DLGAP1: variants seen among roughly 807,000 people sequenced by gnomAD.
The protein encoded by DLGAP1 is DLG associated protein 1.
A neutral mutation model predicts 90.8 loss-of-function variants in DLGAP1; 11 were observed. That is an observed-to-expected ratio of 0.12 (90% CI 0.08 to 0.20). The LOEUF (loss-of-function observed/expected upper bound fraction) is 0.20, where lower values mean the gene tolerates loss of function less well. Ranked by LOEUF, DLGAP1 falls within the 10% of genes least tolerant of loss-of-function variation. The pLI, the probability that DLGAP1 is intolerant of heterozygous loss-of-function variation, is 1.00. For missense variants in DLGAP1, 1,050 were observed against 1,333.8 expected (o/e 0.79, Z 3.31); for synonymous variants, 558 against 540.7 (o/e 1.03, Z -0.44).
At chr18:4,011,014 A>T (rs145204369) in intron 2 of DLGAP1, among the ~76,000 whole-genome samples, 1 of 151,866 alleles carries the variant, frequency 6.6e-6, no homozygotes, top group African/African-American at 2.4e-5. Flanking sequence ...CGTCTCTACT[A>T]AAAATACAAA....
intron 1 of DLGAP1, among the ~76,000 whole-genome samples, chr18:4,200,540 T>C (rs867171500): frequency 1.3e-5 from 2 of 151,712 alleles, no homozygotes; most frequent in South Asian, 4.1e-4. Context: ...CATATTTTGC[T>C]GTTCCTAATA....
chr18:4,296,169 A>G (rs550899860), intron 1 of DLGAP1, among the ~76,000 whole-genome samples: 2 of 152,322 alleles, frequency 1.3e-5, no homozygotes, highest in South Asian at 4.1e-4. Flanking sequence ...CTGCGTCTTA[A>G]TTTTGTTAGA....
intron 7 of DLGAP1, among the ~76,000 whole-genome samples, chr18:3,715,125 A>G (rs969352225): frequency 2.0e-5 from 3 of 152,200 alleles, no homozygotes; most frequent in Non-Finnish European, 4.4e-5. Flanking sequence ...CTAGGTTCTC[A>G]TTCCTGCCAC....
chr18:3,832,487 C>T (rs2148565804), intron 4 of DLGAP1, among the ~76,000 whole-genome samples: 2 of 152,270 alleles, frequency 1.3e-5, no homozygotes, highest in South Asian at 4.1e-4. Flanking sequence ...TAGCCACCTA[C>T]TCCAGTTAGT....
Position 4,383,531 on chromosome 18 carries a change from T to C in DLGAP1, c.-267+71475A>G, listed in dbSNP as rs1343983892. Among the ~76,000 whole-genome samples, 1 of 152,012 alleles carries C rather than the reference T, an allele frequency of 6.6e-6. No individual in the cohort carries two copies. Among genetic ancestry groups the C allele is most frequent in the African/African-American group, 2.4e-5 (1 of 41,394 alleles). On this transcript the variant is annotated intron_variant, in intron 1 of 12. Coordinates refer to ENST00000315677, the MANE Select transcript of DLGAP1 (RefSeq NM_004746.4). This position sits in a 1 kb window ranked among gnomAD's most constrained non-coding sequence, Gnocchi z 4.0. Reference sequence around the variant, plus strand: ...ATAAGAGACCTGGGTTTTAAACCTATCAGTTACTGAACAAGCTCTGTATGC... The same window carrying C: ...ATAAGAGACCTGGGTTTTAAACCTACCAGTTACTGAACAAGCTCTGTATGC...
intron 1 of DLGAP1, among the ~76,000 whole-genome samples, chr18:4,179,334 T>C (rs1273688031): frequency 1.3e-5 from 2 of 152,160 alleles, no homozygotes; most frequent in Non-Finnish European, 2.9e-5. Context: ...CTGTCAAAAG[T>C]AAAGGCCCTA....
rs553460463 is a variant in DLGAP1 at position 4,175,359 on chromosome 18, C to G, written c.-266-24072G>C. Among the ~76,000 whole-genome samples, 139 of 152,170 alleles carry G rather than the reference C, an allele frequency of 9.1e-4. 1 individual carries two copies. Among genetic ancestry groups the G allele is most frequent in the Non-Finnish European group, 1.8e-3 (119 of 67,986 alleles). On this transcript the variant is annotated intron_variant, in intron 1 of 12. Coordinates refer to ENST00000315677, the MANE Select transcript of DLGAP1 (RefSeq NM_004746.4). Reference sequence around the variant, plus strand: ...TAGATTGCAAAAATTTTCTCCCATTCTGTAGGTTGTCTGTTGACTCTGATG... The same window carrying G: ...TAGATTGCAAAAATTTTCTCCCATTGTGTAGGTTGTCTGTTGACTCTGATG...
chr18:4,267,998 G>A (rs767351393), intron 1 of DLGAP1, among the ~76,000 whole-genome samples: 8 of 152,106 alleles, frequency 5.3e-5, no homozygotes, highest in Admixed American at 1.3e-4. Flanking sequence ...CTGAAATTCC[G>A]GACAAGATCA....
At chr18:3,893,193 C>T (rs1048780164) in intron 3 of DLGAP1, among the ~76,000 whole-genome samples, 1 of 152,066 alleles carries the variant, frequency 6.6e-6, no homozygotes, top group African/African-American at 2.4e-5. Flanking sequence ...ATAATGGCCT[C>T]CAGATCCATC....
At chr18:3,521,027 A>C (rs1411919073) in intron 10 of DLGAP1, among the ~76,000 whole-genome samples, 5 of 152,126 alleles carry the variant, frequency 3.3e-5, no homozygotes, top group Non-Finnish European at 5.9e-5. Flanking sequence ...TAAATGTTGA[A>C]CACAAAATGT....
intron 3 of DLGAP1, among the ~76,000 whole-genome samples, chr18:3,881,034 A>G (rs1043273477): frequency 1.3e-5 from 2 of 151,808 alleles, no homozygotes; most frequent in East Asian, 3.8e-4. Flanking sequence ...AATTATTTGA[A>G]ACAATAACTC....
intron 2 of DLGAP1, among the ~76,000 whole-genome samples, chr18:4,077,119 A>C (rs1568382980): frequency 1.3e-5 from 2 of 152,170 alleles, no homozygotes; most frequent in African/African-American, 2.4e-5. Context: ...ATGGTTAAAC[A>C]ATCAGATCTT....
At chr18:3,960,507 G>T (rs777886421) in intron 3 of DLGAP1, among the ~76,000 whole-genome samples, 1 of 152,046 alleles carries the variant, frequency 6.6e-6, no homozygotes. Context: ...TTGAGGCTGC[G>T]GCTATGATTG....
intron 1 of DLGAP1, among the ~76,000 whole-genome samples, chr18:4,345,995 C>T (rs931890947): frequency 3.3e-5 from 5 of 152,038 alleles, no homozygotes; most frequent in East Asian, 1.9e-4. Context: ...GAAGGTGTCC[C>T]GGGGAAGATC....
chr18:4,407,901 TAAGAA>T (rs2082698104), intron 1 of DLGAP1, among the ~76,000 whole-genome samples: 1 of 148,606 alleles, frequency 6.7e-6, no homozygotes, highest in African/African-American at 2.6e-5. Flanking sequence ...TATAAATAAA[TAAGAA>T]AAGTATCTAA....
intron 1 of DLGAP1, among the ~76,000 whole-genome samples, chr18:4,305,323 T>A (rs1220085501): frequency 6.6e-6 from 1 of 151,430 alleles, no homozygotes; most frequent in African/African-American, 2.4e-5. Flanking sequence ...TCACCTGAGG[T>A]TGGGAGTTTA....
chr18:4,286,887 G>C (rs1001808598), intron 1 of DLGAP1, among the ~76,000 whole-genome samples: 4 of 152,128 alleles, frequency 2.6e-5, no homozygotes, highest in African/African-American at 9.7e-5. Context: ...CAGGGAAAGA[G>C]AGGACTTTTT....
intron 3 of DLGAP1, among the ~76,000 whole-genome samples, chr18:3,925,042 G>C (rs1202692842): frequency 6.6e-6 from 1 of 152,028 alleles, no homozygotes; most frequent in East Asian, 1.9e-4. Context: ...AACCTCCGCC[G>C]CCTGAGTTCA....
intron 2 of DLGAP1, among the ~76,000 whole-genome samples, chr18:4,115,731 T>C (rs947550742): frequency 1.8e-4 from 28 of 152,192 alleles, no homozygotes; most frequent in Admixed American, 8.5e-4. Flanking sequence ...CCCAAAGTGC[T>C]GGGATTACAG....
Sources: allele counts gnomAD v4.1 joint callset (sites outside exome capture counted in the v4.1 genomes callset), GRCh38; gene constraint gnomAD v4.1.1; non-coding constraint Gnocchi (gnomAD v3.1); transcripts MANE v1.5; gene names NCBI Gene and HGNC (gene_info 2026-07-23, HGNC 2026-07-21).